The following ATF6B variants were observed in gnomAD, a reference collection of about 807,000 sequenced individuals.
ATF6B encodes the protein cyclic AMP-dependent transcription factor ATF-6 beta.
ATF6B carries 50 observed loss-of-function variants against 83.5 expected under a neutral mutation model. That is an observed-to-expected ratio of 0.60 (90% CI 0.48 to 0.76). The LOEUF (loss-of-function observed/expected upper bound fraction) is 0.76. ATF6B is among the 30% of genes least tolerant of loss of function. The pLI is 0.00. For synonymous variants in ATF6B, 344 were observed against 362.8 expected (o/e 0.95, Z 0.59); for missense variants, 790 against 893.8 (o/e 0.88, Z 1.48).
chr6:32,121,006 G>C lies in ATF6B; in HGVS notation c.683C>G (p.Ser228Cys). ...TCCATTACCTGAGGAGCCATCAAGG[G>C]ATGGGCCCATGCTGATCTGGACAGC... ...LGAVQISMGP[S>C]LDGSSGKALP... Residue 228 changes from serine to cysteine, a missense_variant, in exon 7 of 18, where the codon TCC becomes TGC. Coordinates refer to ENST00000375203, the MANE Select transcript of ATF6B (RefSeq NM_004381.5). 1 of 1,525,836 alleles carries C rather than the reference G, an allele frequency of 6.6e-7. No homozygotes were observed. Among genetic ancestry groups the C allele is most frequent in the Non-Finnish European group, 8.8e-7 (1 of 1,138,950 alleles). 94.5% of individuals were successfully genotyped at this position (1,525,836 alleles called of 1,614,324 possible).
At position 32,125,940 on chromosome 6, in the gene ATF6B, C is replaced by A; in HGVS notation, c.478+177G>T. The stretch of plus-strand genomic sequence containing the variant: ...CTCAGCACTGCCCTTGCTGTGGTTC[C>A]CTGAAATGTTTCCTCTCCTTCCTGC... On this transcript the variant is annotated intron_variant, in intron 5 of 17. Coordinates refer to ENST00000375203, the MANE Select transcript of ATF6B (RefSeq NM_004381.5). This position sits in a 1 kb window ranked among gnomAD's most constrained non-coding sequence, Gnocchi z 4.1. 1.2e-6 allele frequency: 1 copy of A among 845,616 alleles called. No homozygotes were observed. The allele number at this position is 845,616 out of a possible 1,614,324, so 52.4% of individuals were successfully genotyped here.
At chr6:32,121,481 T>A (rs1781766437) in intron 5 of ATF6B, 133 bp from the exon 6 acceptor site, 3 of 778,466 alleles carry the variant, frequency 3.9e-6, no homozygotes, top group Non-Finnish European at 6.4e-6. Flanking sequence ...GGCGGGCAGA[T>A]CACCTGAGGT....
At chr6:32,126,035 C>T in intron 5 of ATF6B, 82 bp downstream of exon 5, 10 of 1,546,680 alleles carry the variant, frequency 6.5e-6, no homozygotes, top group Non-Finnish European at 8.8e-6. Flanking sequence ...TGCACTTCCC[C>T]TCCATCTACA....
Position 32,116,547 on chromosome 6 carries a change from T to C in ATF6B, c.1815A>G (p.Pro605=). Residue 605 remains proline (P), a synonymous_variant, in exon 17 of 18, where the codon CCA becomes CCG. Coordinates refer to ENST00000375203, the MANE Select transcript of ATF6B (RefSeq NM_004381.5). This position sits in a 1 kb window ranked among gnomAD's most constrained non-coding sequence, Gnocchi z 5.1. ...VSFRRDHLLL[P]AISHNKTSRP... is the part of the protein sequence containing the mutation. The stretch of plus-strand genomic sequence containing the variant: ...GGGAGGTCTTGTTGTGGCTGATGGC[T>C]GGGAGCAGCAGGTGGTCCTGGGGAA... 1.2e-6 allele frequency: 2 copies of C among 1,600,410 alleles called. No individual in the cohort carries two copies. Among genetic ancestry groups the C allele is most frequent in the Non-Finnish European group, 1.7e-6 (2 of 1,172,160 alleles).
In ATF6B at chr6:32,117,732, G is replaced by A; in HGVS notation, c.1425-38C>T. On this transcript the variant is annotated intron_variant, in intron 12 of 17. Transcript: ENST00000375203. The surrounding 1 kb of genome is among the most constrained non-coding windows in gnomAD (Gnocchi z 5.0). ...AGGAAGGAGACAACACTTGGAGACT[G>A]CCCAGCACTCCCACAACAAAGAAGG... The A allele has an allele frequency of 6.2e-7, 1 of 1,601,886 alleles. No homozygotes were observed. The highest frequency in any genetic ancestry group is 8.5e-7 in the Non-Finnish European group (1 of 1,172,454).
chr6:32,127,324 G>A (rs1244182948), intron 3 of ATF6B, 118 bp downstream of exon 3: 1 of 1,363,118 alleles, frequency 7.3e-7, no homozygotes, highest in Non-Finnish European at 1.0e-6. Flanking sequence ...GGGATTGAAG[G>A]AGAGAGGATA....
chr6:32,120,894 G>C lies in ATF6B; in HGVS notation c.709C>G (p.Leu237Val). ...PSLDGSSGKA[L>V]PTRKPPLQPK... ...TGCAGTGGCGGCTTCCGGGTGGGCA[G>C]GGCTTTGCCTGAAGGAAGGTGAGAG... Residue 237 changes from leucine (L) to valine (V), a missense_variant, in exon 8 of 18, where the codon CTG (leucine) becomes GTG (valine). Transcript: ENST00000375203. 7 of 1,539,052 alleles carry C rather than the reference G, an allele frequency of 4.5e-6. No homozygotes were observed. Among genetic ancestry groups the C allele is most frequent in the Non-Finnish European group, 6.1e-6 (7 of 1,144,264 alleles).
In ATF6B at chr6:32,125,072, C is replaced by A. The variant is rs1296037188; in HGVS notation, c.478+1045G>T. ...CTCAATCTCCTGACCTCGTGATCCG[C>A]CCACCTCGGCCTCCCAAAGTGCTGG... On this transcript the variant is annotated intron_variant, in intron 5 of 17. Coordinates refer to ENST00000375203, the MANE Select transcript of ATF6B (RefSeq NM_004381.5). The surrounding 1 kb of genome is among the most constrained non-coding windows in gnomAD (Gnocchi z 4.1). Among the ~76,000 whole-genome samples the A allele has an allele frequency of 1.3e-5, 2 of 152,124 alleles. No homozygotes were observed. Among genetic ancestry groups the A allele is most frequent in the African/African-American group, 4.8e-5 (2 of 41,420 alleles).
chr6:32,117,017 GCACCC>G lies in ATF6B; in HGVS notation c.1685+15_1685+19del. ...AAGTGGAATTTCACTTAATAAGTAA[GCACCC>G]CACCCCACACTCACCTTTCTGGGGG... On this transcript the variant is annotated intron_variant, in intron 15 of 17. Transcript: ENST00000375203. This position sits in a 1 kb window ranked among gnomAD's most constrained non-coding sequence, Gnocchi z 5.0. 6.2e-7 allele frequency: 1 copy of G among 1,611,692 alleles called. No homozygotes were observed. The highest frequency in any genetic ancestry group is 1.1e-5 in the South Asian group (1 of 90,976).
In ATF6B at chr6:32,119,151, CG is replaced by C; in HGVS notation, c.967-11del. On this transcript the variant is annotated splice_polypyrimidine_tract_variant and intron_variant, in intron 9 of 17. Transcript: ENST00000375203. This position sits in a 1 kb window ranked among gnomAD's most constrained non-coding sequence, Gnocchi z 4.9. Reference sequence around the variant, plus strand: ...GCTTCAGCAGCTTTGCCTAGGCACCCGGAAGGTCAAAAAAGAATGACAGATG... The same window carrying C: ...GCTTCAGCAGCTTTGCCTAGGCACCCGAAGGTCAAAAAAGAATGACAGATG... 1 of 1,601,914 alleles carries C rather than the reference CG, an allele frequency of 6.2e-7. No homozygotes were observed. Among genetic ancestry groups the C allele is most frequent in the East Asian group, 2.2e-5 (1 of 44,666 alleles).
At chr6:32,127,326 G>C (rs1336535610) in intron 3 of ATF6B, 116 bp downstream of exon 3, 2 of 1,364,600 alleles carry the variant, frequency 1.5e-6, no homozygotes, top group Non-Finnish European at 2.0e-6. Context: ...GATTGAAGGA[G>C]AGAGGATAGG....
chr6:32,117,801 G>A lies in ATF6B; in HGVS notation c.1424+58C>T, dbSNP rs115332304. ...GCTTTGGGTCCCCCTCACTGAAAGC[G>A]GGGAGAAGACCAACTCATACCCTCA... On this transcript the variant is annotated intron_variant, in intron 12 of 17. Coordinates refer to ENST00000375203, the MANE Select transcript of ATF6B (RefSeq NM_004381.5). This position sits in a 1 kb window ranked among gnomAD's most constrained non-coding sequence, Gnocchi z 5.0. 1,569 of 1,565,910 alleles carry A rather than the reference G, an allele frequency of 1.0e-3. 13 individuals carry two copies. In the African/African-American group the frequency reaches 0.019, roughly 19 times the overall value.
intron 8 of ATF6B, 85 bp from the exon 9 acceptor site, chr6:32,120,042 G>C (rs1781693462): frequency 5.4e-6 from 8 of 1,494,592 alleles, no homozygotes; most frequent in Admixed American, 2.4e-5. Context: ...CCAAGGATTG[G>C]GCAGCCTCAA....
At chr6:32,120,051 A>T (rs935072658) in intron 8 of ATF6B, 94 bp from the exon 9 acceptor site, 3 of 1,452,740 alleles carry the variant, frequency 2.1e-6, no homozygotes, top group Non-Finnish European at 1.8e-6. Flanking sequence ...GGGCAGCCTC[A>T]ATGGCTGCAA....
At position 32,117,342 on chromosome 6, in the gene ATF6B, T is replaced by G. The variant is rs1781570478; in HGVS notation, c.1595A>C (p.Gln532Pro). ...RHQRGRRKIP[Q>P]RAQERQKSQP... ...CCCTACCTGTCTCTCCTGGGCCCTCTGAGGGATCTTCCTCCGGCCTCTCTG... is the reference window on the plus strand; with the variant it reads ...CCCTACCTGTCTCTCCTGGGCCCTCGGAGGGATCTTCCTCCGGCCTCTCTG... Residue 532 changes from glutamine to proline, a missense_variant, in exon 14 of 18, where the codon CAG becomes CCG. This residue lies in a region of ATF6B where 530 missense variants were observed against 632.6 expected (regional missense o/e 0.84). Coordinates refer to ENST00000375203, the MANE Select transcript of ATF6B (RefSeq NM_004381.5). This position sits in a 1 kb window ranked among gnomAD's most constrained non-coding sequence, Gnocchi z 5.0. 2 of 1,614,012 alleles carry G rather than the reference T, an allele frequency of 1.2e-6. No homozygotes were observed. The highest frequency in any genetic ancestry group is 4.5e-5 in the East Asian group (2 of 44,868).
In ATF6B at chr6:32,128,201, C is replaced by G. The variant is rs1782073892; in HGVS notation, c.7G>C (p.Glu3Gln). 6.2e-7 allele frequency: 1 copy of G among 1,611,746 alleles called. No homozygotes were observed. The highest frequency in any genetic ancestry group is 1.3e-5 in the African/African-American group (1 of 74,892). ...GCAATCTCGCTGAGCAGCATCAGCTCCGCCATCTTTCCCCCCCACCCCCCA... is the reference window on the plus strand; with the variant it reads ...GCAATCTCGCTGAGCAGCATCAGCTGCGCCATCTTTCCCCCCCACCCCCCA... MA[E>Q]LMLLSEIADP... Residue 3 changes from glutamate to glutamine, a missense_variant, in exon 1 of 18, where the codon GAG becomes CAG. Physicochemically the swap from Glu to Gln is conservative, Grantham distance 29. This residue lies in a region of ATF6B where 253 missense variants were observed against 243.1 expected (regional missense o/e 1.04). Coordinates refer to ENST00000375203, the MANE Select transcript of ATF6B (RefSeq NM_004381.5).
At position 32,117,998 on chromosome 6, in the gene ATF6B, T is replaced by C. The variant is rs1413265562; in HGVS notation, c.1285A>G (p.Asn429Asp). 6.2e-7 allele frequency: 1 copy of C among 1,614,166 alleles called. No individual in the cohort carries two copies. The highest frequency in any genetic ancestry group is 1.7e-4 in the Middle Eastern group (1 of 6,054). Residue 429 changes from asparagine to aspartate, a missense_variant, in exon 12 of 18, where the codon AAC becomes GAC. Asn to Asp is a conservative substitution (Grantham distance 23). Coordinates refer to ENST00000375203, the MANE Select transcript of ATF6B (RefSeq NM_004381.5). The surrounding 1 kb of genome is among the most constrained non-coding windows in gnomAD (Gnocchi z 5.0). Reference sequence around the variant, plus strand: ...CTCCGGGGTTGAGGCTCCCCCTTGTTCATCCGAGGAGAGATGGGAGCTGAA... The same window carrying C: ...CTCCGGGGTTGAGGCTCCCCCTTGTCCATCCGAGGAGAGATGGGAGCTGAA... ...PPSAPISPRM[N>D]KGEPQPRRHL...
intron 5 of ATF6B, among the ~76,000 whole-genome samples, 172 bp from the exon 6 acceptor site, chr6:32,121,520 T>G (rs1404683515): frequency 2.0e-5 from 3 of 152,102 alleles, no homozygotes; most frequent in Non-Finnish European, 4.4e-5. Context: ...CTGACCAACA[T>G]GGAGAAACCC....
Position 32,117,532 on chromosome 6 carries a change from G to A in ATF6B, c.1532+55C>T. On this transcript the variant is annotated intron_variant, in intron 13 of 17. Transcript: ENST00000375203. The surrounding 1 kb of genome is among the most constrained non-coding windows in gnomAD (Gnocchi z 5.0). ...AGTACACAGGCCAGCCAGGCTGACTGCAGAAGGCCTTGGGAGGCCGGGGGA... is the reference window on the plus strand; with the variant it reads ...AGTACACAGGCCAGCCAGGCTGACTACAGAAGGCCTTGGGAGGCCGGGGGA... 1 of 1,598,026 alleles carries A rather than the reference G, an allele frequency of 6.3e-7. No individual in the cohort carries two copies. The highest frequency in any genetic ancestry group is 1.1e-5 in the South Asian group (1 of 89,968).
Sources: allele counts gnomAD v4.1 joint callset (sites outside exome capture counted in the v4.1 genomes callset), GRCh38; gene constraint gnomAD v4.1.1; regional missense constraint gnomAD v4.1.1; non-coding constraint Gnocchi (gnomAD v3.1); transcripts MANE v1.5; gene names NCBI Gene and HGNC (gene_info 2026-07-23, HGNC 2026-07-21).